The following KPNA5 variants were observed in gnomAD, a reference collection of about 807,000 sequenced individuals.
KPNA5 encodes the protein karyopherin subunit alpha 5, also known as importin subunit alpha-6.
Under a neutral mutation model 71.3 loss-of-function variants are expected in KPNA5, and 46 were observed. That is an observed-to-expected ratio of 0.65 (90% confidence interval 0.51 to 0.83). The LOEUF (loss-of-function observed/expected upper bound fraction) is 0.83. KPNA5 is among the 40% of genes least tolerant of loss of function. The pLI, the probability that KPNA5 is intolerant of heterozygous loss-of-function variation, is 0.00. For missense variants in KPNA5, 547 were observed against 628.3 expected, an observed-to-expected ratio of 0.87 and a Z score of 1.38; for synonymous variants, 207 against 201.4, an observed-to-expected ratio of 1.03 and a Z score of -0.24.
chr6:116,704,995 G>A, intron 6 of KPNA5, 77 bp from the exon 7 acceptor site: 1 of 911,602 alleles, frequency 1.1e-6, no homozygotes, highest in Non-Finnish European at 1.7e-6. Flanking sequence ...TTTGTTCATT[G>A]TGTACTAAAA....
At chr6:116,729,444 CTTAA>C (rs1779404795) in intron 12 of KPNA5, 115 bp from the exon 13 acceptor site, 2 of 564,924 alleles carry the variant, frequency 3.5e-6, no homozygotes, top group Non-Finnish European at 5.5e-6. Flanking sequence ...AATACTTTTT[CTTAA>C]TTGCTTATGT....
intron 7 of KPNA5, among the ~76,000 whole-genome samples, chr6:116,714,602 A>G (rs1778816964): frequency 1.3e-5 from 2 of 152,160 alleles, no homozygotes; most frequent in Admixed American, 1.3e-4. Context: ...GGAGCTTTTC[A>G]CATCCCTCAT....
chr6:116,705,936 T>C (rs895240135), intron 7 of KPNA5, among the ~76,000 whole-genome samples: 1 of 152,248 alleles, frequency 6.6e-6, no homozygotes, highest in Non-Finnish European at 1.5e-5. Flanking sequence ...AAGTTATTTC[T>C]TGGCATGGTT....
chr6:116,741,727 AAAC>A lies in KPNA5; in HGVS notation c.*9410_*9412del. Reference sequence around the variant, plus strand: ...GATTTACTGTTAAAAAACAAACAAAAAACAACAAAAAAGCGGTGACAGGAAACA... The same window carrying A: ...GATTTACTGTTAAAAAACAAACAAAAAACAAAAAAGCGGTGACAGGAAACA... On this transcript the variant is annotated 3_prime_UTR_variant, in exon 14 of 14. Coordinates refer to ENST00000368564, the MANE Select transcript of KPNA5 (RefSeq NM_001366306.2). The A allele has an allele frequency of 6.5e-6, 1 of 152,678 alleles. No homozygotes were observed. Among genetic ancestry groups the A allele is most frequent in the East Asian group, 1.9e-4 (1 of 5,188 alleles). 9.5% of individuals were successfully genotyped at this position (152,678 alleles called of 1,614,324 possible).
Position 116,732,523 on chromosome 6 carries a change from G to C in KPNA5, c.*200G>C, listed in dbSNP as rs1200011558. 1 of 279,876 alleles carries C rather than the reference G, an allele frequency of 3.6e-6. No individual in the cohort carries two copies. The highest frequency in any genetic ancestry group is 6.7e-6 in the Non-Finnish European group (1 of 149,378). 17.3% of individuals were successfully genotyped at this position (279,876 alleles called of 1,614,324 possible). A position where few individuals can be genotyped will look rare whatever the true frequency, so the allele number is the denominator to read the frequency against. ...TTGTTGTTGTTTTAGTTTTGTTGTT[G>C]TGCCTGTATTTATATCTTCTATTGT... On this transcript the variant is annotated 3_prime_UTR_variant, in exon 14 of 14. Coordinates refer to ENST00000368564, the MANE Select transcript of KPNA5 (RefSeq NM_001366306.2).
Position 116,726,606 on chromosome 6 carries a change from ACT to A in KPNA5, c.1239_1240del (p.Pro414ArgfsTer13). 6.2e-7 allele frequency: 1 copy of A among 1,604,098 alleles called. No individual in the cohort carries two copies. On this transcript the variant is annotated frameshift_variant, in exon 12 of 14. Coordinates refer to ENST00000368564, the MANE Select transcript of KPNA5 (RefSeq NM_001366306.2). LOFTEE classifies it high-confidence loss of function. ...TATAACTAATGCAACATCAGGAGGT[ACT>A]CCAGAGCAAATAAGGTATGATATAA... Reference protein sequence around the residue: ...WAITNATSGGTPEQIRYLVAL... With the variant: ...WAITNATSGGXPEQIRYLVAL...
At chr6:116,715,396 C>G (rs1385401541) in intron 7 of KPNA5, among the ~76,000 whole-genome samples, 1 of 151,764 alleles carries the variant, frequency 6.6e-6, no homozygotes, top group Non-Finnish European at 1.5e-5. Flanking sequence ...TAAAGTTATG[C>G]TTTGAAAAAA....
rs771559968 is a variant in KPNA5 at position 116,716,315 on chromosome 6, T to C, written c.753T>C (p.Ser251=). 19 of 1,590,534 alleles carry C rather than the reference T, an allele frequency of 1.2e-5. No individual in the cohort carries two copies. The highest frequency in any genetic ancestry group is 1.6e-5 in the Non-Finnish European group (19 of 1,159,360). ...GCAAAAACCCTCCTCCAAACTTTAG[T>C]AAGGTATGAGTAAAATACACAAATT... ...CRGKNPPPNF[S]KVSPCLNVLS... is the part of the protein sequence containing the mutation. The change falls in exon 8 of 14, where the codon AGT becomes AGC. Residue 251 remains serine, a synonymous_variant. Coordinates refer to ENST00000368564, the MANE Select transcript of KPNA5 (RefSeq NM_001366306.2).
At chr6:116,697,817 C>A (rs1778083132) in intron 4 of KPNA5, among the ~76,000 whole-genome samples, 1 of 151,814 alleles carries the variant, frequency 6.6e-6, no homozygotes, top group African/African-American at 2.4e-5. Flanking sequence ...GGGTATGCTG[C>A]ATTTTGAAAG....
At chr6:116,692,685 T>G (rs2114379537) in intron 4 of KPNA5, among the ~76,000 whole-genome samples, 1 of 152,276 alleles carries the variant, frequency 6.6e-6, no homozygotes, top group South Asian at 2.1e-4. Context: ...TTAATTCTTG[T>G]AGAAATATTT....
intron 9 of KPNA5, among the ~76,000 whole-genome samples, chr6:116,722,927 A>G (rs1779164759): frequency 6.6e-6 from 1 of 151,986 alleles, no homozygotes; most frequent in Non-Finnish European, 1.5e-5. Context: ...TGTAGGCCCA[A>G]ACAAGGTAGA....
At chr6:116,723,276 C>T (rs1779182205) in intron 9 of KPNA5, among the ~76,000 whole-genome samples, 1 of 152,124 alleles carries the variant, frequency 6.6e-6, no homozygotes, top group Non-Finnish European at 1.5e-5. Context: ...GAACTCATGG[C>T]TCTTAACATA....
chr6:116,705,259 C>G, intron 7 of KPNA5, 99 bp downstream of exon 7: 1 of 915,090 alleles, frequency 1.1e-6, no homozygotes, highest in Admixed American at 2.6e-5. Context: ...GTAAATTTGT[C>G]TTATGGTTAT....
chr6:116,706,847 A>G (rs1475080782), intron 7 of KPNA5, among the ~76,000 whole-genome samples: 1 of 151,848 alleles, frequency 6.6e-6, no homozygotes, highest in Non-Finnish European at 1.5e-5. Context: ...AGTTGGGCAA[A>G]AGGAAAAATT....
rs1160122249 is a variant in KPNA5, at chr6:116,738,478, G to A, written c.*6155G>A. 3.9e-5 allele frequency: 6 copies of A among 152,048 alleles called. No individual in the cohort carries two copies. 9.4% of individuals were successfully genotyped at this position (152,048 alleles called of 1,614,324 possible). On this transcript the variant is annotated 3_prime_UTR_variant, in exon 14 of 14. Transcript: ENST00000368564. The stretch of plus-strand genomic sequence containing the variant: ...CTATTCCAATCAATAGAAAAAGAGG[G>A]AATCCTCCCTAACTCATTTTCTGAG...
intron 11 of KPNA5, among the ~76,000 whole-genome samples, 185 bp downstream of exon 11, chr6:116,726,061 A>AGTGTGTGTGTGTGTGTGTGTGTGTGTGT (rs58131077): frequency 4.6e-4 from 69 of 150,662 alleles, no homozygotes; most frequent in South Asian, 3.3e-3. Flanking sequence ...AAGAACATCA[A>AGTGTGTGTGTGTGTGTGTGTGTGTGTGT]GTGTGTGTGT....
intron 1 of KPNA5, among the ~76,000 whole-genome samples, chr6:116,682,992 A>G (rs944683700): frequency 3.3e-5 from 5 of 152,198 alleles, no homozygotes; most frequent in Non-Finnish European, 7.4e-5. Flanking sequence ...GGAACAAGTG[A>G]TATCTGAGTT....
intron 1 of KPNA5, among the ~76,000 whole-genome samples, chr6:116,687,151 C>T (rs536463442): frequency 6.6e-6 from 1 of 152,312 alleles, no homozygotes; most frequent in East Asian, 1.9e-4. Context: ...ATTGATTCTT[C>T]CTATCCACAA....
chr6:116,683,294 T>G (rs1777429738), intron 1 of KPNA5, among the ~76,000 whole-genome samples: 1 of 152,194 alleles, frequency 6.6e-6, no homozygotes, highest in Admixed American at 6.5e-5. Flanking sequence ...ATTTTACGAA[T>G]GTAGGATGTG....
Sources: gnomAD v4.1 joint callset for allele counts (sites outside exome capture counted in the v4.1 genomes callset) on GRCh38, gnomAD v4.1.1 for gene constraint, MANE v1.5 for transcripts, NCBI Gene and HGNC (gene_info 2026-07-23, HGNC 2026-07-21) for gene names.